GRID1: variants seen among roughly 807,000 people sequenced by gnomAD.
GRID1 encodes glutamate ionotropic receptor delta type subunit 1, also known as glutamate receptor ionotropic, delta-1.
In GRID1, 28 loss-of-function variants were observed where a neutral mutation model predicts 98.0. The ratio of observed to expected loss-of-function variants is 0.29; its 90% CI spans 0.21 to 0.39. The LOEUF is 0.39. Among genes scored for constraint, GRID1 ranks in the 10% least tolerant of loss-of-function variants. GRID1 has a pLI of 1.00. For missense variants in GRID1, 1,111 were observed against 1,340.5 expected (o/e 0.83, Z 2.67); for synonymous variants, 553 against 538.5 (o/e 1.03, Z -0.37).
At chr10:85,854,715 C>T in intron 7 of GRID1, 100 bp from the exon 8 acceptor site, 3 of 1,246,286 alleles carry the variant, frequency 2.4e-6, no homozygotes, top group Admixed American at 3.7e-5. Context: ...AAGAACGGAG[C>T]AATCAGTTTT....
At chr10:85,698,530 G>T (rs1298750384) in intron 12 of GRID1, among the ~76,000 whole-genome samples, 2 of 150,188 alleles carry the variant, frequency 1.3e-5, no homozygotes, top group African/African-American at 5.0e-5. Context: ...ATATTCCATT[G>T]TCTGGATGTA....
At chr10:85,867,048 T>C (rs1444018453) in intron 6 of GRID1, among the ~76,000 whole-genome samples, 1 of 152,182 alleles carries the variant, frequency 6.6e-6, no homozygotes, top group East Asian at 1.9e-4. Context: ...GTCATTTAAG[T>C]AGGCCCTCAG....
At chr10:86,022,951 T>G (rs1161401372) in intron 4 of GRID1, among the ~76,000 whole-genome samples, 1 of 152,008 alleles carries the variant, frequency 6.6e-6, no homozygotes, top group African/African-American at 2.4e-5. Context: ...AAATTCCTTT[T>G]TTAAGACCTG....
rs1476222047 is a variant in GRID1, at chr10:85,602,542, G to C, written c.2761C>G (p.Gln921Glu). 10 of 1,614,026 alleles carry C rather than the reference G, an allele frequency of 6.2e-6. No individual in the cohort carries two copies. The highest frequency in any genetic ancestry group is 8.5e-6 in the Non-Finnish European group (10 of 1,180,036). ...TQTLEPTREY[Q>E]NTQLSVSTFL... ...GTGCTGACCGAGAGCTGGGTGTTCT[G>C]GTACTCCCGTGTCGGCTCCAAGGTC... The change falls in exon 16 of 16, where the codon CAG (glutamine) becomes GAG (glutamate). Residue 921 changes from glutamine (Q) to glutamate (E), a missense_variant. Transcript: ENST00000327946.
intron 3 of GRID1, among the ~76,000 whole-genome samples, chr10:86,205,584 GGGTGAA>G (rs1293437440): frequency 6.6e-6 from 1 of 152,188 alleles, no homozygotes; most frequent in Non-Finnish European, 1.5e-5. Flanking sequence ...GGGGGAACCT[GGGTGAA>G]GGGCACGCTG....
At chr10:86,180,632 C>T (rs1845642010) in intron 3 of GRID1, among the ~76,000 whole-genome samples, 1 of 152,136 alleles carries the variant, frequency 6.6e-6, no homozygotes, top group Non-Finnish European at 1.5e-5. Context: ...ACTTCCTAGG[C>T]TTCCCGACAT....
intron 4 of GRID1, among the ~76,000 whole-genome samples, chr10:86,066,873 G>A (rs553281057): frequency 6.6e-6 from 1 of 152,276 alleles, no homozygotes; most frequent in East Asian, 1.9e-4. Context: ...AGCCCAGAAC[G>A]CTTGGTAGGG....
chr10:85,638,715 T>G (rs1006636261), intron 13 of GRID1, among the ~76,000 whole-genome samples: 1 of 152,168 alleles, frequency 6.6e-6, no homozygotes, highest in Non-Finnish European at 1.5e-5. Flanking sequence ...AATACATAAA[T>G]TAATGAATAT....
chr10:85,821,756 T>G (rs1842774933), intron 8 of GRID1, among the ~76,000 whole-genome samples: 1 of 152,092 alleles, frequency 6.6e-6, no homozygotes, highest in African/African-American at 2.4e-5. Context: ...AGAACAAAGC[T>G]GGAGGCATCA....
At chr10:85,677,577 A>G (rs1841158962) in intron 12 of GRID1, among the ~76,000 whole-genome samples, 1 of 152,248 alleles carries the variant, frequency 6.6e-6, no homozygotes, top group Non-Finnish European at 1.5e-5. Flanking sequence ...CAGGGGAAAC[A>G]AAGCTGAGAA....
At chr10:86,243,988 C>T (rs1846679986) in intron 2 of GRID1, among the ~76,000 whole-genome samples, 1 of 152,214 alleles carries the variant, frequency 6.6e-6, no homozygotes, top group African/African-American at 2.4e-5. Flanking sequence ...TGCTTGTGTG[C>T]ACTGTGTGTA....
chr10:86,154,182 G>A (rs1479073475), intron 3 of GRID1, among the ~76,000 whole-genome samples: 1 of 152,180 alleles, frequency 6.6e-6, no homozygotes, highest in Non-Finnish European at 1.5e-5. Context: ...CTCCTCCCAA[G>A]GGTAGATGTC....
Position 86,365,318 on chromosome 10 carries a change from T to G in GRID1, c.79+996A>C, listed in dbSNP as rs867528283. Among the ~76,000 whole-genome samples, 1 of 144,914 alleles carries G rather than the reference T, an allele frequency of 6.9e-6. No homozygotes were observed. Among genetic ancestry groups the G allele is most frequent in the African/African-American group, 2.6e-5 (1 of 38,862 alleles). On this transcript the variant is annotated intron_variant, in intron 1 of 15. Coordinates refer to ENST00000327946, the MANE Select transcript of GRID1 (RefSeq NM_017551.3). This position sits in a 1 kb window ranked among gnomAD's most constrained non-coding sequence, Gnocchi z 4.8. Reference sequence around the variant, plus strand: ...CCCCCAGTTTCCCTGTGCTCGCTGGTCTTTCCCAACTTCCGGAAAGACGAC... The same window carrying G: ...CCCCCAGTTTCCCTGTGCTCGCTGGGCTTTCCCAACTTCCGGAAAGACGAC...
chr10:86,167,229 G>T (rs531417025), intron 3 of GRID1, among the ~76,000 whole-genome samples: 1 of 152,374 alleles, frequency 6.6e-6, no homozygotes, highest in Admixed American at 6.5e-5. Flanking sequence ...CCCTGGGAGG[G>T]TGTCCATCCA....
intron 2 of GRID1, among the ~76,000 whole-genome samples, chr10:86,211,747 G>C (rs1408172621): frequency 6.6e-6 from 1 of 152,224 alleles, no homozygotes; most frequent in East Asian, 1.9e-4. Flanking sequence ...CTAGTTGCTT[G>C]GCCAGGGCCA....
In GRID1 at chr10:85,914,239, G is replaced by T. The variant is rs1008883788; in HGVS notation, c.780+1947C>A. Among the ~76,000 whole-genome samples the T allele has an allele frequency of 2.6e-5, 4 of 152,290 alleles. No homozygotes were observed. In the East Asian group the frequency reaches 7.7e-4, roughly 29 times the overall value. ...TGGGTGGGGATTTGGAGAAAGAAAA[G>T]AAAACAGGTTAGGAATGTAAAAACG... is the stretch of plus-strand genomic sequence containing the variant. On this transcript the variant is annotated intron_variant, in intron 5 of 15. Transcript: ENST00000327946.
chr10:86,150,624 C>T lies in GRID1; in HGVS notation c.521-11600G>A, dbSNP rs115323676. 8.0e-3 allele frequency among the ~76,000 whole-genome samples: 1,214 copies of T among 152,258 alleles called. 9 individuals are homozygous for T. Among genetic ancestry groups the T allele is most frequent in the African/African-American group, 0.028 (1,160 of 41,544 alleles). On this transcript the variant is annotated intron_variant, in intron 3 of 15. Transcript: ENST00000327946. ...ATGGCCAAACCAATGATGGCGTAAT[C>T]GTAACAGCATGCTACAGACTGAATG... is the stretch of plus-strand genomic sequence containing the variant.
At position 85,724,674 on chromosome 10, in the gene GRID1, T is replaced by C; in HGVS notation, c.1536A>G (p.Arg512=). Residue 512 remains arginine, a splice_region_variant and synonymous_variant, in exon 11 of 16, where the codon AGA becomes AGG. Coordinates refer to ENST00000327946, the MANE Select transcript of GRID1 (RefSeq NM_017551.3). The stretch of plus-strand genomic sequence containing the variant: ...TGATGGCAGAGATGGCCAAGTCTGC[T>C]CTCTGAAAGGCAAAGCCATCTCATT... The part of the protein sequence containing the change: ...NGMIGELISK[R]ADLAISAITI... The C allele has an allele frequency of 2.5e-6, 4 of 1,606,396 alleles. No individual in the cohort carries two copies. Among genetic ancestry groups the C allele is most frequent in the Non-Finnish European group, 3.4e-6 (4 of 1,176,590 alleles).
intron 8 of GRID1, among the ~76,000 whole-genome samples, chr10:85,818,029 T>C (rs903255830): frequency 2.6e-5 from 4 of 152,220 alleles, no homozygotes; most frequent in Non-Finnish European, 4.4e-5. Context: ...ACCAAAAGAA[T>C]TGTATTTAAA....
Sources: allele counts gnomAD v4.1 joint callset (sites outside exome capture counted in the v4.1 genomes callset), GRCh38; gene constraint gnomAD v4.1.1; non-coding constraint Gnocchi (gnomAD v3.1); transcripts MANE v1.5; gene names NCBI Gene and HGNC (gene_info 2026-07-23, HGNC 2026-07-21).